Variants in ATRNL1 observed in about 807,000 individuals in gnomAD.
ATRNL1 encodes the protein attractin-like protein 1.
In ATRNL1, 95 loss-of-function variants were observed where a neutral mutation model predicts 182.7. The observed-to-expected ratio is 0.52, with a 90% confidence interval of 0.44 to 0.62. The LOEUF is 0.62. Among genes scored for constraint, ATRNL1 ranks in the 20% least tolerant of loss-of-function variants. The probability of loss-of-function intolerance (pLI) is 0.00; values close to 1 mark genes in which losing one functional copy is unlikely to be tolerated. For missense variants in ATRNL1, 1,471 were observed against 1,679.5 expected (o/e 0.88, Z 2.17); for synonymous variants, 576 against 568.3 (o/e 1.01, Z -0.19).
chr10:115,821,260 C>A (rs1246671277), intron 27 of ATRNL1, among the ~76,000 whole-genome samples: 3 of 152,124 alleles, frequency 2.0e-5, no homozygotes, highest in African/African-American at 7.2e-5. Flanking sequence ...GTTATTCAAT[C>A]TTTCTTAGAA....
chr10:115,133,418 C>A (rs935818253), intron 5 of ATRNL1, among the ~76,000 whole-genome samples: 1 of 152,140 alleles, frequency 6.6e-6, no homozygotes, highest in African/African-American at 2.4e-5. Flanking sequence ...ATAAAACAGA[C>A]TTTAAACCAA....
chr10:115,866,292 T>C (rs1555104751), intron 28 of ATRNL1, among the ~76,000 whole-genome samples: 1 of 152,094 alleles, frequency 6.6e-6, no homozygotes, highest in Non-Finnish European at 1.5e-5. Flanking sequence ...CTAATGCAAA[T>C]GTCATTCCTA....
At chr10:115,140,158 T>C (rs1253673210) in intron 5 of ATRNL1, among the ~76,000 whole-genome samples, 3 of 152,164 alleles carry the variant, frequency 2.0e-5, no homozygotes, top group African/African-American at 4.8e-5. Flanking sequence ...TCCTGCTTAA[T>C]AGTATCTGCT....
At chr10:115,408,053 GACTGCAGTGGCGCAATCTCGGCTC>G (rs1844934206) in intron 20 of ATRNL1, among the ~76,000 whole-genome samples, 1 of 144,136 alleles carries the variant, frequency 6.9e-6, no homozygotes, top group African/African-American at 2.7e-5. Context: ...CCGGACTGCG[GACTGCAGTGGCGCAATCTCGGCTC>G]ACTGCAAGCT....
chr10:115,655,228 C>T (rs1295453900), intron 26 of ATRNL1, among the ~76,000 whole-genome samples: 2 of 152,006 alleles, frequency 1.3e-5, no homozygotes, highest in Non-Finnish European at 2.9e-5. Context: ...CTATGGGTAT[C>T]GTTGGTTAAG....
chr10:115,342,625 A>T (rs1855803678), intron 19 of ATRNL1, among the ~76,000 whole-genome samples: 1 of 152,134 alleles, frequency 6.6e-6, no homozygotes, highest in African/African-American at 2.4e-5. Flanking sequence ...TATTTTACTC[A>T]CCACAGTTAC....
intron 27 of ATRNL1, among the ~76,000 whole-genome samples, chr10:115,740,031 T>C (rs887983357): frequency 6.6e-6 from 1 of 152,162 alleles, no homozygotes; most frequent in Non-Finnish European, 1.5e-5. Context: ...TAGAATCTTA[T>C]GAAGTGAAAT....
chr10:115,442,851 G>A lies in ATRNL1; in HGVS notation c.3322+16549G>A, dbSNP rs553605001. Among the ~76,000 whole-genome samples the A allele has an allele frequency of 2.6e-5, 4 of 151,942 alleles. No homozygotes were observed. The South Asian group carries it at 8.3e-4, about 32-fold the overall frequency. ...CTTCTATCTGTCTATAATTCTGATT[G>A]GAATTTTATTAATTTAAAAGATTAA... On this transcript the variant is annotated intron_variant, in intron 21 of 28. Transcript: ENST00000355044.
intron 1 of ATRNL1, among the ~76,000 whole-genome samples, chr10:115,100,937 A>C (rs1554864451): frequency 6.6e-6 from 1 of 152,040 alleles, no homozygotes; most frequent in Admixed American, 6.6e-5. Flanking sequence ...TAGATCTTGC[A>C]CCTCTTTTGT....
Position 115,266,969 on chromosome 10 carries a change from A to G in ATRNL1, c.1945A>G (p.Asn649Asp), listed in dbSNP as rs201368972. 74 of 1,611,802 alleles carry G rather than the reference A, an allele frequency of 4.6e-5. 1 individual carries two copies. In the African/African-American group the frequency reaches 8.4e-4, roughly 18 times the overall value. ...HCESWESGNT[N>D]NILRAKCPPK... Reference sequence around the variant, plus strand: ...TGAATCTTGGGAATCTGGGAATACTAATAATATTCTTAGAGCAAAGTGCCC... The same window carrying G: ...TGAATCTTGGGAATCTGGGAATACTGATAATATTCTTAGAGCAAAGTGCCC... Residue 649 changes from asparagine (N) to aspartate (D), a missense_variant, in exon 12 of 29, where the codon AAT becomes GAT. Asn to Asp is a conservative substitution (Grantham distance 23, BLOSUM62 1). Coordinates refer to ENST00000355044, the MANE Select transcript of ATRNL1 (RefSeq NM_207303.4).
intron 24 of ATRNL1, among the ~76,000 whole-genome samples, chr10:115,493,122 C>A (rs1223376543): frequency 6.6e-6 from 1 of 151,564 alleles, no homozygotes; most frequent in Non-Finnish European, 1.5e-5. Flanking sequence ...TTCTTATCAA[C>A]TTTTATTTTA....
rs782789587 is a variant in ATRNL1 at position 115,093,963 on chromosome 10, G to A, written c.213G>A (p.Ser71=). 1 of 1,587,900 alleles carries A rather than the reference G, an allele frequency of 6.3e-7. No individual in the cohort carries two copies. Among genetic ancestry groups the A allele is most frequent in the South Asian group, 1.1e-5 (1 of 87,674 alleles). Residue 71 remains serine (S), a synonymous_variant, in exon 1 of 29, where the codon TCG becomes TCA. Transcript: ENST00000355044. This position sits in a 1 kb window ranked among gnomAD's most constrained non-coding sequence, Gnocchi z 6.1. ...GCGAGAGGACCGGCTCCTGCTTCTCGGGCCGCTGTGTCAACTCCACCTGCC... is the reference window on the plus strand; with the variant it reads ...GCGAGAGGACCGGCTCCTGCTTCTCAGGCCGCTGTGTCAACTCCACCTGCC... ...KPCERTGSCF[S]GRCVNSTCLC...
chr10:115,452,152 G>C (rs1554967790), intron 21 of ATRNL1, among the ~76,000 whole-genome samples: 1 of 152,126 alleles, frequency 6.6e-6, no homozygotes, highest in African/African-American at 2.4e-5. Flanking sequence ...TGGATACTGG[G>C]TTTAATACCT....
At chr10:115,875,630 G>A (rs1552066) in intron 28 of ATRNL1, among the ~76,000 whole-genome samples, 30,325 of 152,038 alleles carry the variant, frequency 0.2, 2,996 homozygotes, top group South Asian at 0.28. Context: ...ACCTACTTCC[G>A]TGCTGAAAGC....
intron 26 of ATRNL1, among the ~76,000 whole-genome samples, chr10:115,642,183 G>A (rs1859294847): frequency 6.6e-6 from 1 of 152,004 alleles, no homozygotes; most frequent in South Asian, 2.1e-4. Context: ...ATAAAATCAA[G>A]GGTATTTCCA....
At chr10:115,902,679 T>A (rs1476141847) in intron 28 of ATRNL1, among the ~76,000 whole-genome samples, 2 of 152,236 alleles carry the variant, frequency 1.3e-5, no homozygotes, top group Non-Finnish European at 2.9e-5. Context: ...GCTTTCTGTT[T>A]GTTTGTATAT....
Position 115,892,654 on chromosome 10 carries a change from C to G in ATRNL1, c.4018+44663C>G, listed in dbSNP as rs563058377. On this transcript the variant is annotated intron_variant, in intron 28 of 28. Coordinates refer to ENST00000355044, the MANE Select transcript of ATRNL1 (RefSeq NM_207303.4). The stretch of plus-strand genomic sequence containing the variant: ...GAGGGCCTGAGTTTCCTCAAGCCAC[C>G]CATCTTATTAAGTCATAGCACTGCA... Among the ~76,000 whole-genome samples, 3 of 152,154 alleles carry G rather than the reference C, an allele frequency of 2.0e-5. No individual in the cohort carries two copies. In the South Asian group the frequency reaches 6.2e-4, roughly 32 times the overall value.
At chr10:115,559,226 CA>C (rs1853514476) in intron 26 of ATRNL1, among the ~76,000 whole-genome samples, 2 of 152,292 alleles carry the variant, frequency 1.3e-5, no homozygotes, top group South Asian at 4.1e-4. Context: ...AAAATCAATT[CA>C]AAAAGATAAA....
At chr10:115,397,455 T>C (rs567484284) in intron 20 of ATRNL1, among the ~76,000 whole-genome samples, 1 of 152,108 alleles carries the variant, frequency 6.6e-6, no homozygotes, top group East Asian at 1.9e-4. Flanking sequence ...TTTCTTGCAT[T>C]ATTTGTGTAC....
Sources: gnomAD v4.1 joint callset for allele counts (sites outside exome capture counted in the v4.1 genomes callset) on GRCh38, gnomAD v4.1.1 for gene constraint, Gnocchi (gnomAD v3.1) non-coding constraint, MANE v1.5 for transcripts, NCBI Gene and HGNC (gene_info 2026-07-23, HGNC 2026-07-21) for gene names.